Variants in GRIA1 observed in about 807,000 individuals in gnomAD.
The protein encoded by GRIA1 is glutamate receptor 1.
A neutral mutation model predicts 99.2 loss-of-function variants in GRIA1; 31 were observed. The ratio of observed to expected loss-of-function variants is 0.31; its 90% confidence interval spans 0.23 to 0.42. GRIA1 has a LOEUF of 0.42. Among genes scored for constraint, GRIA1 ranks in the 10% least tolerant of loss-of-function variants. GRIA1 has a pLI of 1.00. For missense variants in GRIA1, 782 were observed against 1,157.5 expected, an observed-to-expected ratio of 0.68 and a Z score of 4.71; for synonymous variants, 438 against 432.4, an observed-to-expected ratio of 1.01 and a Z score of -0.16.
chr5:153,721,320 C>A (rs1229222678), intron 11 of GRIA1, among the ~76,000 whole-genome samples: 1 of 152,168 alleles, frequency 6.6e-6, no homozygotes, highest in Non-Finnish European at 1.5e-5. Flanking sequence ...TTCCCCACAT[C>A]TTCCCCCTTT....
At chr5:153,697,514 T>C (rs1758200452) in intron 8 of GRIA1, among the ~76,000 whole-genome samples, 3 of 152,200 alleles carry the variant, frequency 2.0e-5, no homozygotes, top group African/African-American at 7.2e-5. Context: ...TAGTTTATAC[T>C]TGGAGACAGA....
intron 15 of GRIA1, among the ~76,000 whole-genome samples, chr5:153,810,573 A>C (rs1766746622): frequency 1.3e-5 from 2 of 152,204 alleles, no homozygotes; most frequent in South Asian, 4.1e-4. Context: ...ATAGACATGG[A>C]GGTTTAAAAG....
chr5:153,617,624 G>T (rs1245505793), intron 2 of GRIA1, among the ~76,000 whole-genome samples: 1 of 152,130 alleles, frequency 6.6e-6, no homozygotes, highest in African/African-American at 2.4e-5. Context: ...TGATCTCCTT[G>T]CCTCTGACCT....
chr5:153,546,211 C>A (rs1759602285), intron 2 of GRIA1, among the ~76,000 whole-genome samples: 1 of 152,070 alleles, frequency 6.6e-6, no homozygotes. Flanking sequence ...TTCACTTTCT[C>A]CAAGAAGGAA....
intron 2 of GRIA1, among the ~76,000 whole-genome samples, chr5:153,605,918 T>A (rs1395964501): frequency 6.6e-6 from 1 of 152,290 alleles, no homozygotes; most frequent in East Asian, 1.9e-4. Context: ...CTTAATGGTA[T>A]CTCTTGCTGT....
At chr5:153,696,593 G>C (rs1392656934) in intron 8 of GRIA1, among the ~76,000 whole-genome samples, 1 of 152,216 alleles carries the variant, frequency 6.6e-6, no homozygotes, top group Non-Finnish European at 1.5e-5. Context: ...ATTTCCAACT[G>C]AAGGAACTGG....
chr5:153,537,152 C>T lies in GRIA1; in HGVS notation c.220+43087C>T, dbSNP rs577621379. On this transcript the variant is annotated intron_variant, in intron 2 of 15. Coordinates refer to ENST00000285900, the MANE Select transcript of GRIA1 (RefSeq NM_000827.4). The stretch of plus-strand genomic sequence containing the variant: ...AAAGATACCTGCTGTCCCCTCTCAA[C>T]GCCATACAGTGTGTGCCAGTAGATT... Among the ~76,000 whole-genome samples the T allele has an allele frequency of 4.6e-5, 7 of 152,314 alleles. 1 individual carries two copies. Among genetic ancestry groups the T allele is most frequent in the Admixed American group, 2.6e-4 (4 of 15,304 alleles).
At chr5:153,563,012 C>G (rs1353559509) in intron 2 of GRIA1, among the ~76,000 whole-genome samples, 1 of 151,878 alleles carries the variant, frequency 6.6e-6, no homozygotes, top group Admixed American at 6.6e-5. Context: ...CCCGTCTCTA[C>G]TAAAAATAGA....
At chr5:153,583,052 C>A (rs1763180532) in intron 2 of GRIA1, among the ~76,000 whole-genome samples, 1 of 152,142 alleles carries the variant, frequency 6.6e-6, no homozygotes, top group African/African-American at 2.4e-5. Flanking sequence ...CCCACCTCAG[C>A]CTCCCAAAGT....
At chr5:153,588,690 A>T (rs1349060929) in intron 2 of GRIA1, among the ~76,000 whole-genome samples, 1 of 152,212 alleles carries the variant, frequency 6.6e-6, no homozygotes, top group Admixed American at 6.5e-5. Flanking sequence ...TAAAGCCTTG[A>T]GCATAATCCA....
At chr5:153,783,318 T>A (rs1764760065) in intron 13 of GRIA1, among the ~76,000 whole-genome samples, 1 of 152,162 alleles carries the variant, frequency 6.6e-6, no homozygotes, top group Non-Finnish European at 1.5e-5. Flanking sequence ...ATTCATTCCC[T>A]CTGTTATCTT....
At chr5:153,740,269 G>C (rs1252616188) in intron 11 of GRIA1, among the ~76,000 whole-genome samples, 1 of 152,222 alleles carries the variant, frequency 6.6e-6, no homozygotes, top group African/African-American at 2.4e-5. Flanking sequence ...GAGGAGAACA[G>C]CTTCAACAAC....
chr5:153,607,496 G>A (rs755951800), intron 2 of GRIA1, among the ~76,000 whole-genome samples: 5 of 151,688 alleles, frequency 3.3e-5, no homozygotes, highest in Non-Finnish European at 5.9e-5. Context: ...TCTAAAGATA[G>A]ACTTAACCAC....
chr5:153,544,702 G>A (rs1759446368), intron 2 of GRIA1, among the ~76,000 whole-genome samples: 2 of 152,136 alleles, frequency 1.3e-5, no homozygotes, highest in Non-Finnish European at 2.9e-5. Flanking sequence ...AGGATATCTG[G>A]AAAATGCCAA....
intron 5 of GRIA1, among the ~76,000 whole-genome samples, chr5:153,656,174 A>T (rs1451827818): frequency 6.6e-6 from 1 of 152,032 alleles, no homozygotes; most frequent in African/African-American, 2.4e-5. Flanking sequence ...CAAAATCACC[A>T]CATCTTTGAA....
At position 153,635,521 on chromosome 5, in the gene GRIA1, C is replaced by T. The variant is rs142668427; in HGVS notation, c.221-11407C>T. 5.9e-5 allele frequency among the ~76,000 whole-genome samples: 9 copies of T among 152,280 alleles called. No homozygotes were observed. The East Asian group carries it at 7.7e-4, about 13-fold the overall frequency. On this transcript the variant is annotated intron_variant, in intron 2 of 15. Transcript: ENST00000285900. ...CCCTACCAGGGCTCTTTAGTGAATC[C>T]CACCTCCTAGCCCCAGATGAGGCTG...
At chr5:153,747,512 A>G (rs1391423424) in intron 11 of GRIA1, among the ~76,000 whole-genome samples, 2 of 152,198 alleles carry the variant, frequency 1.3e-5, no homozygotes, top group Non-Finnish European at 2.9e-5. Flanking sequence ...AAGAGATGGG[A>G]ATTAGATAAA....
At chr5:153,602,220 G>A (rs1372813084) in intron 2 of GRIA1, among the ~76,000 whole-genome samples, 1 of 152,138 alleles carries the variant, frequency 6.6e-6, no homozygotes, top group East Asian at 1.9e-4. Flanking sequence ...ATGAGTTCAT[G>A]TCCTTTGTAG....
At chr5:153,608,290 T>C (rs2149405919) in intron 2 of GRIA1, among the ~76,000 whole-genome samples, 1 of 152,326 alleles carries the variant, frequency 6.6e-6, no homozygotes, top group African/African-American at 2.4e-5. Flanking sequence ...TGTGTCTTGA[T>C]GTCTTTTGTC....
Sources: gnomAD v4.1 joint callset for allele counts (sites outside exome capture counted in the v4.1 genomes callset) on GRCh38, gnomAD v4.1.1 for gene constraint, MANE v1.5 for transcripts, NCBI Gene and HGNC (gene_info 2026-07-23, HGNC 2026-07-21) for gene names.